The following SCTR variants were observed in gnomAD, a reference collection of about 807,000 sequenced individuals.
SCTR encodes the protein secretin receptor, also known as pancreatic secretin receptor.
A neutral mutation model predicts 60.8 loss-of-function variants in SCTR; 56 were observed. The observed-to-expected ratio is 0.92, with a 90% confidence interval of 0.74 to 1.15. The LOEUF is 1.15. SCTR is among the 50% of genes most tolerant of loss of function. The pLI, the probability that SCTR is intolerant of heterozygous loss-of-function variation, is 0.00. For missense variants in SCTR, 562 were observed against 550.4 expected (o/e 1.02, Z -0.21); for synonymous variants, 202 against 217.0 (o/e 0.93, Z 0.61).
Position 119,485,231 on chromosome 2 carries a change from C to T in SCTR, c.194-6313G>A, listed in dbSNP as rs138321121. On this transcript the variant is annotated intron_variant, in intron 2 of 12. Coordinates refer to ENST00000019103, the MANE Select transcript of SCTR (RefSeq NM_002980.3). ...TGCAATCAGAATTAAAGTCAGAAAA[C>T]GGAGAAAGTTCTATTTTTGCCCAAA... is the stretch of plus-strand genomic sequence containing the variant. Among the ~76,000 whole-genome samples the T allele has an allele frequency of 5.2e-3, 790 of 152,346 alleles. 5 individuals carry two copies. The highest frequency in any genetic ancestry group is 8.0e-3 in the Non-Finnish European group (543 of 68,026).
intron 1 of SCTR, among the ~76,000 whole-genome samples, chr2:119,503,946 T>C (rs1019735746): frequency 1.3e-5 from 2 of 152,186 alleles, no homozygotes; most frequent in Admixed American, 6.5e-5. Flanking sequence ...GTATACCTAA[T>C]TCCTTTCAAC....
chr2:119,524,256 G>A lies in SCTR; in HGVS notation c.-30C>T. The A allele has an allele frequency of 2.9e-6, 4 of 1,399,168 alleles. No individual in the cohort carries two copies. The highest frequency in any genetic ancestry group is 2.8e-6 in the Non-Finnish European group (3 of 1,070,182). The allele number at this position is 1,399,168 out of a possible 1,614,324, so 86.7% of individuals were successfully genotyped here. ...CCCGCACGTTCCCCGAGGGCGCCCC[G>A]ACGTCCGCCTGCCCGTGCCCTCTGC... On this transcript the variant is annotated 5_prime_UTR_variant, in exon 1 of 13. Coordinates refer to ENST00000019103, the MANE Select transcript of SCTR (RefSeq NM_002980.3).
intron 1 of SCTR, among the ~76,000 whole-genome samples, chr2:119,519,731 G>T (rs1679226533): frequency 6.9e-6 from 1 of 145,094 alleles, no homozygotes; most frequent in African/African-American, 2.5e-5. Flanking sequence ...GCTTGAACCT[G>T]GGAGACGGAG....
At chr2:119,514,029 G>T (rs192223517) in intron 1 of SCTR, among the ~76,000 whole-genome samples, 3 of 152,208 alleles carry the variant, frequency 2.0e-5, no homozygotes, top group East Asian at 1.9e-4. Flanking sequence ...TCTCTGCAGG[G>T]TGTATCACCC....
Position 119,494,457 on chromosome 2 carries a change from C to T in SCTR, c.164G>A (p.Gly55Glu), listed in dbSNP as rs1678269313. 1.9e-6 allele frequency: 3 copies of T among 1,614,032 alleles called. No homozygotes were observed. Among genetic ancestry groups the T allele is most frequent in the Non-Finnish European group, 2.5e-6 (3 of 1,179,944 alleles). The change falls in exon 2 of 13, where the codon GGA (glycine) becomes GAA (glutamate). Residue 55 changes from glycine (G) to glutamate (E), a missense_variant. Gly to Glu is a moderately conservative substitution (Grantham distance 98, BLOSUM62 -2). Coordinates refer to ENST00000019103, the MANE Select transcript of SCTR (RefSeq NM_002980.3). ...CACTGGCTGCTCCGTGCCCAGGTCTCCTGTCTGCTCTCTGGAGAGTTCCTG... is the reference window on the plus strand; with the variant it reads ...CACTGGCTGCTCCGTGCCCAGGTCTTCTGTCTGCTCTCTGGAGAGTTCCTG... ...CLQELSREQT[G>E]DLGTEQPVPG...
intron 1 of SCTR, among the ~76,000 whole-genome samples, chr2:119,499,492 A>C (rs577186755): frequency 7.8e-4 from 119 of 152,228 alleles, no homozygotes; most frequent in African/African-American, 2.8e-3. Flanking sequence ...AACAAATTTA[A>C]AAGAACTGAA....
intron 2 of SCTR, among the ~76,000 whole-genome samples, chr2:119,490,154 A>T (rs1678057017): frequency 6.6e-6 from 1 of 152,194 alleles, no homozygotes; most frequent in Non-Finnish European, 1.5e-5. Context: ...ATGCCATAAG[A>T]CCATGGTCTA....
chr2:119,515,098 T>C (rs935164256), intron 1 of SCTR, among the ~76,000 whole-genome samples: 1 of 152,240 alleles, frequency 6.6e-6, no homozygotes, highest in Non-Finnish European at 1.5e-5. Flanking sequence ...ATTGGGCACC[T>C]ACTATATGCT....
At chr2:119,455,468 G>C (rs1242047869) in intron 7 of SCTR, among the ~76,000 whole-genome samples, 1 of 152,208 alleles carries the variant, frequency 6.6e-6, no homozygotes, top group Non-Finnish European at 1.5e-5. Flanking sequence ...AGACCATACA[G>C]GAAGCAGAAG....
chr2:119,494,496 T>G lies in SCTR; in HGVS notation c.125A>C (p.Gln42Pro). Residue 42 changes from glutamine (Q) to proline (P), a missense_variant, in exon 2 of 13, where the codon CAA becomes CCA. By Grantham distance (76) the Gln-to-Pro change is moderately conservative. Coordinates refer to ENST00000019103, the MANE Select transcript of SCTR (RefSeq NM_002980.3). ...GGAGAGTTCCTGCAGGCACTGGTCTTGCTCTTCCCACAGCACTTGTAGCAC... is the reference window on the plus strand; with the variant it reads ...GGAGAGTTCCTGCAGGCACTGGTCTGGCTCTTCCCACAGCACTTGTAGCAC... ...CDVLQVLWEE[Q>P]DQCLQELSRE... 6.2e-7 allele frequency: 1 copy of G among 1,614,118 alleles called. No homozygotes were observed. Among genetic ancestry groups the G allele is most frequent in the East Asian group, 2.2e-5 (1 of 44,884 alleles).
chr2:119,464,292 C>T (rs552655918), intron 5 of SCTR, 37 bp from the exon 6 acceptor site: 2 of 1,613,010 alleles, frequency 1.2e-6, no homozygotes, highest in African/African-American at 1.3e-5. Context: ...GAGGCCAGAG[C>T]CTGAGGGGCT....
chr2:119,487,119 A>G, intron 2 of SCTR: 1 of 152,236 alleles, frequency 6.6e-6, no homozygotes, highest in East Asian at 1.9e-4. Flanking sequence ...CAGAGACAGA[A>G]AGTAGATTAG....
At chr2:119,483,075 G>A (rs1299338495) in intron 2 of SCTR, among the ~76,000 whole-genome samples, 2 of 152,236 alleles carry the variant, frequency 1.3e-5, no homozygotes, top group East Asian at 1.9e-4. Context: ...GGTACCAGCC[G>A]CAGGCTCCAG....
At chr2:119,484,193 A>AG (rs1352361786) in intron 2 of SCTR, among the ~76,000 whole-genome samples, 1 of 152,098 alleles carries the variant, frequency 6.6e-6, no homozygotes, top group African/African-American at 2.4e-5. Flanking sequence ...GCCACGAGGG[A>AG]GGGGTCACCG....
chr2:119,462,606 G>A (rs533690784), intron 6 of SCTR, among the ~76,000 whole-genome samples: 32 of 152,296 alleles, frequency 2.1e-4, no homozygotes, highest in Non-Finnish European at 4.6e-4. Flanking sequence ...AGGGATCCCC[G>A]GAAGTTATGC....
intron 9 of SCTR, 102 bp downstream of exon 9, chr2:119,451,908 C>T: frequency 2.7e-6 from 2 of 733,896 alleles, no homozygotes; most frequent in Non-Finnish European, 4.9e-6. Context: ...TCCCTCCTGG[C>T]ACCTGCAGGG....
chr2:119,469,726 C>A (rs1297540187), intron 4 of SCTR, among the ~76,000 whole-genome samples: 1 of 152,148 alleles, frequency 6.6e-6, no homozygotes, highest in African/African-American at 2.4e-5. Context: ...CTCAGGAGTT[C>A]AAGTGATTCT....
intron 2 of SCTR, among the ~76,000 whole-genome samples, chr2:119,481,044 G>T (rs1416104315): frequency 6.6e-6 from 1 of 152,220 alleles, no homozygotes; most frequent in South Asian, 2.1e-4. Flanking sequence ...TGAAAAGCCT[G>T]CCCAGAGCAG....
rs1223166257 is a variant in SCTR, at chr2:119,524,227, G to A, written c.-1C>T. ...GCGGCGGCGACAGGTGGGGACGCATGGTGCCCGCACGTTCCCCGAGGGCGC... is the reference window on the plus strand; with the variant it reads ...GCGGCGGCGACAGGTGGGGACGCATAGTGCCCGCACGTTCCCCGAGGGCGC... On this transcript the variant is annotated 5_prime_UTR_variant, in exon 1 of 13. Coordinates refer to ENST00000019103, the MANE Select transcript of SCTR (RefSeq NM_002980.3). The A allele has an allele frequency of 1.3e-5, 19 of 1,492,056 alleles. No individual in the cohort carries two copies. The South Asian group carries it at 1.8e-4, about 14-fold the overall frequency. The allele number at this position is 1,492,056 out of a possible 1,614,324, so 92.4% of individuals were successfully genotyped here.
Sources: gnomAD v4.1 joint callset for allele counts (sites outside exome capture counted in the v4.1 genomes callset) on GRCh38, gnomAD v4.1.1 for gene constraint, MANE v1.5 for transcripts, NCBI Gene and HGNC (gene_info 2026-07-23, HGNC 2026-07-21) for gene names.